ANKS6: variants seen among roughly 807,000 people sequenced by gnomAD.
ANKS6 encodes the protein ankyrin repeat and SAM domain-containing protein 6.
Under a neutral mutation model 77.9 loss-of-function variants are expected in ANKS6, and 47 were observed. That is an observed-to-expected ratio of 0.60 (90% CI 0.48 to 0.77). The LOEUF (loss-of-function observed/expected upper bound fraction) is 0.77, where lower values mean the gene tolerates loss of function less well. Among genes scored for constraint, ANKS6 ranks in the 30% least tolerant of loss-of-function variants. The probability of loss-of-function intolerance (pLI) is 0.00; values close to 1 mark genes in which losing one functional copy is unlikely to be tolerated. For synonymous variants in ANKS6, 488 were observed against 501.7 expected (o/e 0.97, Z 0.37); for missense variants, 1,150 against 1,159.1 (o/e 0.99, Z 0.11).
At chr9:98,778,490 G>T in intron 6 of ANKS6, 66 bp from the exon 7 acceptor site, 2 of 1,507,100 alleles carry the variant, frequency 1.3e-6, no homozygotes. Context: ...CCCAGGACCT[G>T]CCAGCCCAGA....
At chr9:98,765,878 T>C (rs531537975) in intron 11 of ANKS6, among the ~76,000 whole-genome samples, 2 of 152,366 alleles carry the variant, frequency 1.3e-5, no homozygotes, top group African/African-American at 4.8e-5. Context: ...TGTTGAATAC[T>C]AACTTCTAAT....
chr9:98,779,405 G>A (rs1259629960), intron 6 of ANKS6, among the ~76,000 whole-genome samples: 2 of 152,252 alleles, frequency 1.3e-5, no homozygotes, highest in South Asian at 2.1e-4. Flanking sequence ...GGCTGCAAAC[G>A]GATTCCTTGG....
At chr9:98,756,168 G>C (rs376466881) in intron 12 of ANKS6, among the ~76,000 whole-genome samples, 12 of 152,042 alleles carry the variant, frequency 7.9e-5, no homozygotes, top group East Asian at 7.7e-4. Flanking sequence ...CACTTCCATG[G>C]GTGTATGTTT....
rs541882035 is a variant in ANKS6, at chr9:98,742,027, T to C, written c.2511+3532A>G. On this transcript the variant is annotated intron_variant, in intron 14 of 14. Coordinates refer to ENST00000353234, the MANE Select transcript of ANKS6 (RefSeq NM_173551.5). ...TCTATTTTCTAAAACGTGCTGCTCATGCCCCATTAAATGGATTCTAAAACC... is the reference window on the plus strand; with the variant it reads ...TCTATTTTCTAAAACGTGCTGCTCACGCCCCATTAAATGGATTCTAAAACC... Among the ~76,000 whole-genome samples, 20 of 152,332 alleles carry C rather than the reference T, an allele frequency of 1.3e-4. 1 individual carries two copies. In the South Asian group the frequency reaches 1.7e-3, roughly 13 times the overall value.
intron 10 of ANKS6, among the ~76,000 whole-genome samples, 153 bp downstream of exon 10, chr9:98,770,743 A>T (rs1833573497): frequency 6.6e-6 from 1 of 152,190 alleles, no homozygotes; most frequent in African/African-American, 2.4e-5. Flanking sequence ...TGAATTGGGA[A>T]TTCACTGAAA....
chr9:98,732,794 CCAGGGTAA>C lies in ANKS6; in HGVS notation c.*3717_*3724del. Reference sequence around the variant, plus strand: ...ACTAGGTCTATGTCCAGTGCTCTTTCCAGGGTAACAGGTTGCTTCTACTCATTTTAAAG... The same window carrying C: ...ACTAGGTCTATGTCCAGTGCTCTTTCCAGGTTGCTTCTACTCATTTTAAAG... On this transcript the variant is annotated 3_prime_UTR_variant, in exon 15 of 15. Coordinates refer to ENST00000353234, the MANE Select transcript of ANKS6 (RefSeq NM_173551.5). 1 of 1,353,484 alleles carries C rather than the reference CCAGGGTAA, an allele frequency of 7.4e-7. No individual in the cohort carries two copies. Among genetic ancestry groups the C allele is most frequent in the Non-Finnish European group, 9.5e-7 (1 of 1,054,388 alleles). The allele number at this position is 1,353,484 out of a possible 1,614,324, so 83.8% of individuals were successfully genotyped here.
At chr9:98,782,616 A>G (rs1190596928) in intron 4 of ANKS6, 43 bp from the exon 5 acceptor site, 12 of 1,529,666 alleles carry the variant, frequency 7.8e-6, no homozygotes, top group Middle Eastern at 1.7e-4. Context: ...AAGCAAAGGC[A>G]TGGCTTTGCT....
intron 6 of ANKS6, 107 bp downstream of exon 6, chr9:98,780,082 A>C: frequency 6.8e-7 from 1 of 1,473,272 alleles, no homozygotes; most frequent in Non-Finnish European, 9.3e-7. Flanking sequence ...CCACCCCTGC[A>C]GGGACTCCCT....
chr9:98,778,317 C>G lies in ANKS6; in HGVS notation c.1476G>C (p.Glu492Asp). Residue 492 changes from glutamate (E) to aspartate (D), a missense_variant, in exon 7 of 15, where the codon GAG becomes GAC. Coordinates refer to ENST00000353234, the MANE Select transcript of ANKS6 (RefSeq NM_173551.5). Reference protein sequence around the residue: ...NQPLPFSDEPEPALDSTMRAA... With the variant: ...NQPLPFSDEPDPALDSTMRAA... ...CCCTCATTGTGGAGTCCAGAGCTGG[C>G]TCAGGCTCGTCAGAGAAAGGCAAAG... 6.2e-7 allele frequency: 1 copy of G among 1,614,190 alleles called. No homozygotes were observed. Among genetic ancestry groups the G allele is most frequent in the East Asian group, 2.2e-5 (1 of 44,886 alleles).
At position 98,784,145 on chromosome 9, in the gene ANKS6, A is replaced by C. The variant is rs757788327; in HGVS notation, c.920T>G (p.Leu307Arg). The stretch of plus-strand genomic sequence containing the variant: ...GTCTTCATCGGCAATCTCTTTGACC[A>C]GCTGGAAGTTTCCTGCAAACACAAG... ...FHALKMGNFQ[L>R]VKEIADEDPS... Residue 307 changes from leucine (L) to arginine (R), a missense_variant, in exon 4 of 15, where the codon CTG (leucine) becomes CGG (arginine). By Grantham distance (102) the Leu-to-Arg change is moderately radical. Transcript: ENST00000353234. The C allele has an allele frequency of 6.5e-7, 1 of 1,528,596 alleles. No individual in the cohort carries two copies. Among genetic ancestry groups the C allele is most frequent in the Non-Finnish European group, 8.8e-7 (1 of 1,130,836 alleles). The allele number at this position is 1,528,596 out of a possible 1,614,324, so 94.7% of individuals were successfully genotyped here.
In ANKS6 at chr9:98,734,773, A is replaced by G; in HGVS notation, c.*1746T>C. The G allele has an allele frequency of 2.0e-6, 2 of 984,362 alleles. No homozygotes were observed. The highest frequency in any genetic ancestry group is 2.4e-6 in the Non-Finnish European group (2 of 828,946). 61.0% of individuals were successfully genotyped at this position (984,362 alleles called of 1,614,324 possible). ...ATGACAAAGGTAAAGCTGCCAGCAC[A>G]TAGTAGGGGATGAATGAGTGTGTCT... On this transcript the variant is annotated 3_prime_UTR_variant, in exon 15 of 15. Coordinates refer to ENST00000353234, the MANE Select transcript of ANKS6 (RefSeq NM_173551.5).
At position 98,793,434 on chromosome 9, in the gene ANKS6, G is replaced by A. The variant is rs200732498; in HGVS notation, c.359+2699C>T. On this transcript the variant is annotated intron_variant, in intron 1 of 14. Transcript: ENST00000353234. Reference sequence around the variant, plus strand: ...AATAGTACCTCCTTCCTAAGGTTTTGTATGGATTGAATGACTTAATTCATT... The same window carrying A: ...AATAGTACCTCCTTCCTAAGGTTTTATATGGATTGAATGACTTAATTCATT... Among the ~76,000 whole-genome samples the A allele has an allele frequency of 1.9e-4, 29 of 152,330 alleles. No individual in the cohort carries two copies. In the East Asian group the frequency reaches 5.6e-3, roughly 29 times the overall value.
intron 1 of ANKS6, among the ~76,000 whole-genome samples, chr9:98,792,227 G>A (rs558521204): frequency 3.4e-4 from 52 of 152,148 alleles, no homozygotes; most frequent in African/African-American, 1.3e-3. Flanking sequence ...CCCCCACCGT[G>A]TCCTGCTTCA....
rs1361096765 is a variant in ANKS6, at chr9:98,796,394, GC to G, written c.97del (p.Ala33ArgfsTer92). On this transcript the variant is annotated frameshift_variant, in exon 1 of 15. Transcript: ENST00000353234. LOFTEE classifies it high-confidence loss of function. ...CGCGCCGCGCTCGGCTGGCTCCGCC[GC>G]CCCCGGCTCCAGCAGCCGCCGCGCC... ...ETARRLLEPG[A>X]AEPAERGAEP... 4 of 1,000,952 alleles carry G rather than the reference GC, an allele frequency of 4.0e-6. No individual in the cohort carries two copies. Among genetic ancestry groups the G allele is most frequent in the Non-Finnish European group, 4.7e-6 (4 of 842,270 alleles). 62.0% of individuals were successfully genotyped at this position (1,000,952 alleles called of 1,614,324 possible).
chr9:98,749,472 A>C (rs1470341929), intron 13 of ANKS6, among the ~76,000 whole-genome samples: 1 of 152,200 alleles, frequency 6.6e-6, no homozygotes, highest in Non-Finnish European at 1.5e-5. Context: ...CCTACGCTGG[A>C]CAACCACAAC....
At chr9:98,785,059 C>G (rs1834491696) in intron 2 of ANKS6, among the ~76,000 whole-genome samples, 183 bp from the exon 3 acceptor site, 3 of 152,200 alleles carry the variant, frequency 2.0e-5, no homozygotes, top group Admixed American at 1.3e-4. Context: ...CCAAGAACAT[C>G]TGAAAACACT....
At chr9:98,787,440 CCTA>C (rs1744270374) in intron 2 of ANKS6, among the ~76,000 whole-genome samples, 1 of 151,028 alleles carries the variant, frequency 6.6e-6, no homozygotes, top group Admixed American at 6.6e-5. Context: ...ATGCTTATTT[CCTA>C]CTGACTGCCT....
chr9:98,779,909 G>A (rs1412358868), intron 6 of ANKS6, among the ~76,000 whole-genome samples: 6 of 152,078 alleles, frequency 3.9e-5, no homozygotes, highest in African/African-American at 7.2e-5. Flanking sequence ...TGATCCGCCC[G>A]TCTTGGCCTC....
Position 98,777,463 on chromosome 9 carries a change from C to A in ANKS6, c.1568-9G>T. The A allele has an allele frequency of 6.2e-7, 1 of 1,614,102 alleles. No homozygotes were observed. On this transcript the variant is annotated splice_polypyrimidine_tract_variant and intron_variant, in intron 7 of 14. Transcript: ENST00000353234. Reference sequence around the variant, plus strand: ...TCTTGTGCTCCCAGGACCTGAGAGACAAATGGAAATTTCCTGAAATGACCC... The same window carrying A: ...TCTTGTGCTCCCAGGACCTGAGAGAAAAATGGAAATTTCCTGAAATGACCC...
Sources: gnomAD v4.1 joint callset for allele counts (sites outside exome capture counted in the v4.1 genomes callset) on GRCh38, gnomAD v4.1.1 for gene constraint, MANE v1.5 for transcripts, NCBI Gene and HGNC (gene_info 2026-07-23, HGNC 2026-07-21) for gene names.